Variants in MAD1L1 observed in about 807,000 individuals in gnomAD.
The protein encoded by MAD1L1 is mitotic spindle assembly checkpoint protein MAD1.
Under a neutral mutation model 96.9 loss-of-function variants are expected in MAD1L1, and 95 were observed. The ratio of observed to expected loss-of-function variants is 0.98; its 90% CI spans 0.83 to 1.16. MAD1L1 has a LOEUF of 1.16. Among genes scored for constraint, MAD1L1 ranks in the 50% most tolerant of loss-of-function variants. MAD1L1 has a pLI of 0.00. For missense variants in MAD1L1, 1,007 were observed against 954.4 expected (o/e 1.06, Z -0.73); for synonymous variants, 473 against 396.6 (o/e 1.19, Z -2.29).
At chr7:2,004,744 T>C (rs1376905180) in intron 13 of MAD1L1, among the ~76,000 whole-genome samples, 1 of 152,104 alleles carries the variant, frequency 6.6e-6, no homozygotes, top group African/African-American at 2.4e-5. Context: ...CAGCACTGAG[T>C]GATGTGTGTC....
At chr7:2,130,886 A>G (rs1285767583) in intron 11 of MAD1L1, among the ~76,000 whole-genome samples, 2 of 152,246 alleles carry the variant, frequency 1.3e-5, no homozygotes, top group East Asian at 3.8e-4. Context: ...AGGCCACCGC[A>G]TCGAATCCGA....
rs570447721 is a variant in MAD1L1, at chr7:2,104,468, CA to C, written c.1074-35131del. 2.0e-3 allele frequency among the ~76,000 whole-genome samples: 306 copies of C among 152,356 alleles called. 5 individuals carry two copies. The highest frequency in any genetic ancestry group is 0.013 in the Admixed American group (198 of 15,306). On this transcript the variant is annotated intron_variant, in intron 11 of 18. Transcript: ENST00000265854. ...CGCATGTCAAACACGCTGGTGCCTA[CA>C]GGGGGCGGCTGCGGCACCTGGACAC...
chr7:1,910,896 G>A (rs11764960), intron 17 of MAD1L1, among the ~76,000 whole-genome samples: 45,699 of 152,102 alleles, frequency 0.3, 8,184 homozygotes, highest in East Asian at 0.46. Flanking sequence ...GGCGGGACAT[G>A]GGCTCCAGCA....
At chr7:2,145,214 C>A (rs1789236661) in intron 11 of MAD1L1, among the ~76,000 whole-genome samples, 1 of 152,192 alleles carries the variant, frequency 6.6e-6, no homozygotes, top group African/African-American at 2.4e-5. Flanking sequence ...CGTCATCCCG[C>A]TGAATCCTCA....
chr7:2,028,649 G>A (rs1468181439), intron 12 of MAD1L1, among the ~76,000 whole-genome samples: 1 of 152,074 alleles, frequency 6.6e-6, no homozygotes, highest in African/African-American at 2.4e-5. Flanking sequence ...AGCAGAGAGG[G>A]CCACCCTATC....
intron 4 of MAD1L1, among the ~76,000 whole-genome samples, chr7:2,225,114 G>A (rs1173234362): frequency 4.6e-5 from 7 of 152,202 alleles, no homozygotes; most frequent in African/African-American, 1.7e-4. Flanking sequence ...AAGCATAACT[G>A]ATACCTGCCC....
At chr7:2,094,678 C>T (rs998675681) in intron 11 of MAD1L1, among the ~76,000 whole-genome samples, 2 of 152,060 alleles carry the variant, frequency 1.3e-5, no homozygotes, top group African/African-American at 4.8e-5. Context: ...TGAGAAGGCC[C>T]CGGGACAGGA....
intron 13 of MAD1L1, among the ~76,000 whole-genome samples, chr7:2,009,500 C>T (rs886144943): frequency 4.9e-4 from 75 of 152,218 alleles, no homozygotes; most frequent in African/African-American, 1.7e-3. Context: ...TGTGACACAA[C>T]GTGAAGAAGC....
chr7:2,149,018 C>T, intron 11 of MAD1L1, 134 bp downstream of exon 11: 1 of 742,082 alleles, frequency 1.3e-6, no homozygotes, highest in Non-Finnish European at 2.3e-6. Context: ...GCTCCCCCAT[C>T]TCCTCCCAGA....
At chr7:1,974,117 C>T (rs144719013) in intron 15 of MAD1L1, among the ~76,000 whole-genome samples, 3 of 152,188 alleles carry the variant, frequency 2.0e-5, no homozygotes, top group Non-Finnish European at 2.9e-5. Context: ...GGTGCCCCAC[C>T]GCAAGAGGAG....
intron 14 of MAD1L1, among the ~76,000 whole-genome samples, chr7:1,994,103 G>C (rs550657241): frequency 6.6e-6 from 1 of 152,362 alleles, no homozygotes; most frequent in African/African-American, 2.4e-5. Context: ...GAGTATCTGG[G>C]GCCACAACCA....
chr7:1,832,632 GC>G (rs1782755112), intron 18 of MAD1L1, among the ~76,000 whole-genome samples: 10 of 17,802 alleles, frequency 5.6e-4, no homozygotes, highest in Non-Finnish European at 1.1e-3. Flanking sequence ...TTTTTTTTTG[GC>G]GGGGGGGGGG....
chr7:1,867,845 C>A (rs918818643), intron 18 of MAD1L1, among the ~76,000 whole-genome samples: 1 of 152,222 alleles, frequency 6.6e-6, no homozygotes, highest in African/African-American at 2.4e-5. Flanking sequence ...GTTGTTCCAA[C>A]GACTTATTAA....
chr7:1,818,121 C>G (rs1182140827), intron 18 of MAD1L1, among the ~76,000 whole-genome samples: 1 of 152,134 alleles, frequency 6.6e-6, no homozygotes, highest in African/African-American at 2.4e-5. Flanking sequence ...GCCTTCTGCT[C>G]TTGATTCTGA....
intron 12 of MAD1L1, among the ~76,000 whole-genome samples, chr7:2,021,719 C>A (rs1478493332): frequency 6.6e-6 from 1 of 152,010 alleles, no homozygotes; most frequent in Non-Finnish European, 1.5e-5. Flanking sequence ...GAGCCAAGAT[C>A]GCACCACTGC....
chr7:2,079,745 C>T (rs1024141668), intron 11 of MAD1L1: 34 of 470,842 alleles, frequency 7.2e-5, no homozygotes, highest in Middle Eastern at 6.5e-4. Context: ...TGGGGAGCCC[C>T]GGCAAGCACG....
At chr7:1,825,110 G>C (rs989833819) in intron 18 of MAD1L1, among the ~76,000 whole-genome samples, 3 of 152,160 alleles carry the variant, frequency 2.0e-5, no homozygotes, top group Admixed American at 1.3e-4. Context: ...TTTGTAATTA[G>C]GAAAAATGTA....
intron 3 of MAD1L1, among the ~76,000 whole-genome samples, chr7:2,228,843 C>G (rs1794049175): frequency 6.6e-6 from 1 of 151,968 alleles, no homozygotes; most frequent in Admixed American, 6.6e-5. Context: ...CGGGTTCACA[C>G]CATTCTCCTG....
At chr7:2,144,273 A>G (rs1373465856) in intron 11 of MAD1L1, among the ~76,000 whole-genome samples, 2 of 152,238 alleles carry the variant, frequency 1.3e-5, no homozygotes, top group Non-Finnish European at 2.9e-5. Context: ...AGCGCAGCGC[A>G]TGGTGAGGGC....
Sources: allele counts gnomAD v4.1 joint callset (sites outside exome capture counted in the v4.1 genomes callset), GRCh38; gene constraint gnomAD v4.1.1; transcripts MANE v1.5; gene names NCBI Gene and HGNC (gene_info 2026-07-23, HGNC 2026-07-21).